Variants in SOX5 observed in about 807,000 individuals in gnomAD.
SOX5 encodes transcription factor SOX-5.
SOX5 carries 9 observed loss-of-function variants against 92.0 expected under a neutral mutation model. That is an observed-to-expected ratio of 0.10 (90% CI 0.06 to 0.17). The LOEUF (loss-of-function observed/expected upper bound fraction) is 0.17. Ranked by LOEUF, SOX5 falls within the 10% of genes least tolerant of loss-of-function variation. SOX5 has a pLI of 1.00. For missense variants in SOX5, 642 were observed against 944.5 expected, an observed-to-expected ratio of 0.68 and a Z score of 4.20; for synonymous variants, 344 against 336.3, an observed-to-expected ratio of 1.02 and a Z score of -0.25.
chr12:23,721,199 C>T (rs1391209669), intron 6 of SOX5, among the ~76,000 whole-genome samples: 3 of 152,158 alleles, frequency 2.0e-5, no homozygotes, highest in Non-Finnish European at 2.9e-5. Context: ...GATTCTCCTG[C>T]CTCAGCCTCC....
At chr12:23,843,698 G>C (rs1282282766) in intron 3 of SOX5, among the ~76,000 whole-genome samples, 1 of 150,956 alleles carries the variant, frequency 6.6e-6, no homozygotes, top group Non-Finnish European at 1.5e-5. Flanking sequence ...CAAGTAGCTG[G>C]GACTACAGGC....
chr12:23,808,151 G>A (rs1292510440), intron 3 of SOX5, among the ~76,000 whole-genome samples: 4 of 151,892 alleles, frequency 2.6e-5, no homozygotes, highest in African/African-American at 7.3e-5. Flanking sequence ...GAACAAGCAT[G>A]TTCACAGGAG....
At chr12:24,486,147 G>A (rs1487811001) in intron 1 of SOX5, among the ~76,000 whole-genome samples, 1 of 152,004 alleles carries the variant, frequency 6.6e-6, no homozygotes, top group Non-Finnish European at 1.5e-5. Flanking sequence ...GCGTTGCCCA[G>A]GCCAGTCTCG....
chr12:23,969,660 T>C (rs1408618167), intron 4 of SOX5, among the ~76,000 whole-genome samples: 1 of 152,250 alleles, frequency 6.6e-6, no homozygotes, highest in Non-Finnish European at 1.5e-5. Flanking sequence ...GTCACTCTTC[T>C]TTATGTCCAG....
intron 7 of SOX5, among the ~76,000 whole-genome samples, chr12:23,653,899 C>T (rs1417809682): frequency 2.0e-5 from 3 of 151,984 alleles, no homozygotes; most frequent in Non-Finnish European, 4.4e-5. Flanking sequence ...TCTTTAAATC[C>T]CTAGTCCCTA....
chr12:23,602,667 A>G (rs2074662651), intron 9 of SOX5, among the ~76,000 whole-genome samples: 2 of 152,214 alleles, frequency 1.3e-5, no homozygotes, highest in East Asian at 1.9e-4. Context: ...AAATCAAGGG[A>G]AAAAACAGAG....
chr12:24,087,318 T>C (rs1213357719), intron 4 of SOX5, among the ~76,000 whole-genome samples: 1 of 152,044 alleles, frequency 6.6e-6, no homozygotes, highest in African/African-American at 2.4e-5. Context: ...CAAATAGAGA[T>C]GTAATATTTC....
intron 6 of SOX5, among the ~76,000 whole-genome samples, chr12:23,680,573 A>T (rs561003251): frequency 8.9e-4 from 135 of 151,986 alleles, no homozygotes; most frequent in African/African-American, 3.1e-3. Flanking sequence ...AAATTTTTTT[A>T]AATGGAGGAA....
intron 4 of SOX5, among the ~76,000 whole-genome samples, chr12:24,138,328 C>G (rs1249521789): frequency 1.3e-5 from 2 of 152,090 alleles, no homozygotes; most frequent in East Asian, 3.9e-4. Flanking sequence ...CGAATATTCT[C>G]TTACATCGCA....
chr12:23,711,954 A>G (rs1181213056), intron 6 of SOX5, among the ~76,000 whole-genome samples: 3 of 152,194 alleles, frequency 2.0e-5, no homozygotes, highest in Non-Finnish European at 2.9e-5. Context: ...TCTAATGACT[A>G]TAACAAACTT....
chr12:24,501,012 CA>C (rs1259787923), intron 1 of SOX5, among the ~76,000 whole-genome samples: 2 of 152,182 alleles, frequency 1.3e-5, no homozygotes, highest in African/African-American at 4.8e-5. Context: ...AAACAGCCTG[CA>C]TTCATTAGTC....
rs561882516 is a variant in SOX5 at position 23,649,394 on chromosome 12, T to G, written c.932-8497A>C. ...TTTATTTTGTAAATACCTCATGAGATTCATACTTAGTAAAAAAATCAGATA... is the reference window on the plus strand; with the variant it reads ...TTTATTTTGTAAATACCTCATGAGAGTCATACTTAGTAAAAAAATCAGATA... On this transcript the variant is annotated intron_variant, in intron 7 of 14. Coordinates refer to ENST00000451604, the MANE Select transcript of SOX5 (RefSeq NM_006940.6). Among the ~76,000 whole-genome samples, 481 of 152,228 alleles carry G rather than the reference T, an allele frequency of 3.2e-3. 2 individuals are homozygous for G. The highest frequency in any genetic ancestry group is 0.01 in the African/African-American group (436 of 41,568).
At chr12:23,632,938 A>T (rs1365684886) in intron 8 of SOX5, among the ~76,000 whole-genome samples, 1 of 152,138 alleles carries the variant, frequency 6.6e-6, no homozygotes, top group Non-Finnish European at 1.5e-5. Context: ...ATTATTATGA[A>T]TTTTTAAAAT....
chr12:23,663,695 G>A (rs2083382078), intron 7 of SOX5, among the ~76,000 whole-genome samples: 1 of 151,690 alleles, frequency 6.6e-6, no homozygotes, highest in Non-Finnish European at 1.5e-5. Context: ...AGTAATTCTT[G>A]AGAAAGTAGA....
chr12:23,887,714 G>T (rs562806737), intron 2 of SOX5, among the ~76,000 whole-genome samples: 1 of 152,066 alleles, frequency 6.6e-6, no homozygotes, highest in Non-Finnish European at 1.5e-5. Flanking sequence ...TTAACATGAG[G>T]TGCATATTTT....
chr12:23,587,887 C>T (rs1238644340), intron 9 of SOX5, among the ~76,000 whole-genome samples: 4 of 152,022 alleles, frequency 2.6e-5, no homozygotes, highest in Admixed American at 1.3e-4. Context: ...CGGCCAAAGG[C>T]TATGAATCCA....
At chr12:24,491,117 G>A (rs1344584736) in intron 1 of SOX5, among the ~76,000 whole-genome samples, 1 of 151,966 alleles carries the variant, frequency 6.6e-6, no homozygotes, top group Non-Finnish European at 1.5e-5. Flanking sequence ...TGCCTGGGTG[G>A]TAGCCATTCA....
chr12:24,312,683 T>C (rs1293730445), intron 2 of SOX5, among the ~76,000 whole-genome samples: 1 of 152,232 alleles, frequency 6.6e-6, no homozygotes, highest in African/African-American at 2.4e-5. Context: ...GAAAGACATT[T>C]AATTTATGTG....
chr12:23,823,168 T>C (rs1216625292), intron 3 of SOX5, among the ~76,000 whole-genome samples: 2 of 152,152 alleles, frequency 1.3e-5, no homozygotes, highest in South Asian at 2.1e-4. Context: ...ATGATGCTAG[T>C]TGGTTATTTT....
Sources: gnomAD v4.1 joint callset for allele counts (sites outside exome capture counted in the v4.1 genomes callset) on GRCh38, gnomAD v4.1.1 for gene constraint, MANE v1.5 for transcripts, NCBI Gene and HGNC (gene_info 2026-07-23, HGNC 2026-07-21) for gene names.